The following CSMD3 variants were observed in gnomAD, a reference collection of about 807,000 sequenced individuals.
CSMD3 encodes CUB and sushi domain-containing protein 3.
CSMD3 carries 177 observed loss-of-function variants against 435.2 expected under a neutral mutation model. The ratio of observed to expected loss-of-function variants is 0.41; its 90% CI spans 0.36 to 0.46. CSMD3 has a LOEUF of 0.46. CSMD3 is among the 20% of genes least tolerant of loss of function. The pLI is 0.34. For synonymous variants in CSMD3, 1,656 were observed against 1,520.5 expected, an observed-to-expected ratio of 1.09 and a Z score of -2.07; for missense variants, 4,265 against 4,504.6, an observed-to-expected ratio of 0.95 and a Z score of 1.52.
At chr8:113,391,525 G>A (rs2133155099) in intron 1 of CSMD3, among the ~76,000 whole-genome samples, 1 of 152,100 alleles carries the variant, frequency 6.6e-6, no homozygotes, top group South Asian at 2.1e-4. Context: ...AGAAATTATG[G>A]AAAGTTATAC....
At chr8:112,531,251 A>T (rs1825504037) in intron 27 of CSMD3, among the ~76,000 whole-genome samples, 1 of 152,090 alleles carries the variant, frequency 6.6e-6, no homozygotes, top group African/African-American at 2.4e-5. Flanking sequence ...ATTCTTCTAG[A>T]TCCACCCCAT....
At chr8:113,004,786 G>A (rs892427959) in intron 6 of CSMD3, among the ~76,000 whole-genome samples, 2 of 151,706 alleles carry the variant, frequency 1.3e-5, no homozygotes, top group Admixed American at 1.3e-4. Flanking sequence ...GCTAATTAAA[G>A]TATAAATAAA....
chr8:112,421,597 TATA>T (rs894941754), intron 32 of CSMD3, among the ~76,000 whole-genome samples: 1 of 147,082 alleles, frequency 6.8e-6, no homozygotes, highest in Non-Finnish European at 1.5e-5. Context: ...ATATATTACA[TATA>T]ATAATATATG....
At chr8:113,402,132 C>G (rs2094512815) in intron 1 of CSMD3, among the ~76,000 whole-genome samples, 1 of 150,974 alleles carries the variant, frequency 6.6e-6, no homozygotes, top group South Asian at 2.1e-4. Flanking sequence ...TGATTTCATC[C>G]CTTTATAACA....
chr8:112,687,293 G>A (rs927908526), intron 14 of CSMD3, among the ~76,000 whole-genome samples: 1 of 151,906 alleles, frequency 6.6e-6, no homozygotes, highest in Non-Finnish European at 1.5e-5. Context: ...GACTACTAGA[G>A]AAGTTGAAGA....
chr8:112,914,511 A>C (rs1049152676), intron 10 of CSMD3, among the ~76,000 whole-genome samples: 6 of 151,682 alleles, frequency 4.0e-5, no homozygotes, highest in African/African-American at 1.5e-4. Context: ...CAAAGTAAGC[A>C]GAAGAACATA....
At chr8:112,611,654 T>C (rs139779469) in intron 22 of CSMD3, among the ~76,000 whole-genome samples, 232 of 152,258 alleles carry the variant, frequency 1.5e-3, no homozygotes, top group African/African-American at 5.3e-3. Context: ...TAGATCTGAC[T>C]CATAAGTACT....
chr8:112,413,795 T>C (rs1358440382), intron 32 of CSMD3, among the ~76,000 whole-genome samples: 1 of 152,186 alleles, frequency 6.6e-6, no homozygotes. Context: ...CCTCGAACAA[T>C]GTTTAATCAG....
intron 2 of CSMD3, 137 bp from the exon 3 acceptor site, chr8:113,278,841 A>C (rs900349063): frequency 1.8e-5 from 11 of 614,320 alleles, no homozygotes; most frequent in African/African-American, 1.7e-4. Flanking sequence ...CTATCCAGCC[A>C]ACACCTTGAT....
chr8:113,106,294 CG>C (rs2090474170), intron 4 of CSMD3, among the ~76,000 whole-genome samples: 1 of 151,298 alleles, frequency 6.6e-6, no homozygotes, highest in African/African-American at 2.4e-5. Flanking sequence ...CCACATGAAA[CG>C]TTAAGAGACA....
intron 2 of CSMD3, among the ~76,000 whole-genome samples, chr8:113,300,743 C>G (rs2093759715): frequency 6.6e-6 from 1 of 152,038 alleles, no homozygotes; most frequent in South Asian, 2.1e-4. Flanking sequence ...GTACTATACT[C>G]AACACCTTGG....
At chr8:112,600,256 A>G (rs1832211410) in intron 22 of CSMD3, among the ~76,000 whole-genome samples, 1 of 152,188 alleles carries the variant, frequency 6.6e-6, no homozygotes, top group Admixed American at 6.5e-5. Flanking sequence ...AAATGACAAG[A>G]AATTCTACAG....
chr8:112,971,530 C>T (rs536404228), intron 7 of CSMD3, among the ~76,000 whole-genome samples: 2 of 152,046 alleles, frequency 1.3e-5, no homozygotes, highest in Non-Finnish European at 2.9e-5. Context: ...CTTATAACAA[C>T]CCTGATGTAA....
chr8:113,333,130 A>C (rs1341806556), intron 1 of CSMD3, among the ~76,000 whole-genome samples: 1 of 151,688 alleles, frequency 6.6e-6, no homozygotes, highest in Admixed American at 6.6e-5. Flanking sequence ...TTGGATCATT[A>C]AATTTTTTAA....
At chr8:112,533,704 A>G (rs746353924) in intron 27 of CSMD3, among the ~76,000 whole-genome samples, 17 of 152,120 alleles carry the variant, frequency 1.1e-4, no homozygotes, top group Non-Finnish European at 2.1e-4. Flanking sequence ...TCAGCAATAG[A>G]TAGATCATCC....
intron 10 of CSMD3, among the ~76,000 whole-genome samples, chr8:112,865,359 T>C (rs1414646203): frequency 6.6e-6 from 1 of 152,146 alleles, no homozygotes; most frequent in Non-Finnish European, 1.5e-5. Flanking sequence ...TATTGTTGTC[T>C]CTCGGTCCAC....
At chr8:112,566,256 C>T (rs1263695693) in intron 24 of CSMD3, among the ~76,000 whole-genome samples, 6 of 151,936 alleles carry the variant, frequency 3.9e-5, no homozygotes, top group Non-Finnish European at 8.8e-5. Context: ...AGCTATGTGA[C>T]CTTGGGTGAG....
chr8:113,133,742 A>G (rs2091344399), intron 4 of CSMD3, among the ~76,000 whole-genome samples: 1 of 152,098 alleles, frequency 6.6e-6, no homozygotes, highest in African/African-American at 2.4e-5. Flanking sequence ...ATGGAATATT[A>G]TTGTCTTAAA....
chr8:112,800,321 C>G (rs760057902), intron 12 of CSMD3, 47 bp from the exon 13 acceptor site: 5 of 1,138,292 alleles, frequency 4.4e-6, no homozygotes, highest in Non-Finnish European at 6.7e-6. Flanking sequence ...ATTAAAACAT[C>G]CTCTGCATAC....
Sources: gnomAD v4.1 joint callset for allele counts (sites outside exome capture counted in the v4.1 genomes callset) on GRCh38, gnomAD v4.1.1 for gene constraint, MANE v1.5 for transcripts, NCBI Gene and HGNC (gene_info 2026-07-23, HGNC 2026-07-21) for gene names.